The following MTUS1 variants were observed in gnomAD, a reference collection of about 807,000 sequenced individuals.
MTUS1 encodes the protein microtubule associated scaffold protein 1.
In MTUS1, 109 loss-of-function variants were observed where a neutral mutation model predicts 120.8. The ratio of observed to expected loss-of-function variants is 0.90; its 90% CI spans 0.77 to 1.06. The LOEUF is 1.06. MTUS1 is among the 50% of genes least tolerant of loss of function. The pLI is 0.00. For missense variants in MTUS1, 2,210 were observed against 1,486.3 expected, an observed-to-expected ratio of 1.49 and a Z score of -8.01; for synonymous variants, 737 against 550.5, an observed-to-expected ratio of 1.34 and a Z score of -4.74.
intron 1 of MTUS1, among the ~76,000 whole-genome samples, chr8:17,798,425 C>G (rs183845148): frequency 0.018 from 2,789 of 152,046 alleles, 71 homozygotes; most frequent in African/African-American, 0.064. Context: ...CTCCACCTCC[C>G]GGGTTCAAGC....
At chr8:17,772,276 C>A (rs955536942) in intron 1 of MTUS1, among the ~76,000 whole-genome samples, 2 of 152,114 alleles carry the variant, frequency 1.3e-5, no homozygotes, top group Non-Finnish European at 2.9e-5. Flanking sequence ...AACAAAATAA[C>A]TGAAACATTT....
At chr8:17,727,854 T>G (rs2131148952) in intron 3 of MTUS1, among the ~76,000 whole-genome samples, 1 of 152,322 alleles carries the variant, frequency 6.6e-6, no homozygotes. Context: ...TATAACCATC[T>G]TTTATGTAGG....
At chr8:17,699,279 GCA>G (rs1818563520) in intron 6 of MTUS1, among the ~76,000 whole-genome samples, 1 of 152,068 alleles carries the variant, frequency 6.6e-6, no homozygotes, top group Non-Finnish European at 1.5e-5. Context: ...GTGTAATGGC[GCA>G]GTCTCTGCTC....
At chr8:17,671,461 A>G (rs1439817786) in intron 8 of MTUS1, among the ~76,000 whole-genome samples, 5 of 152,236 alleles carry the variant, frequency 3.3e-5, no homozygotes, top group African/African-American at 1.2e-4. Context: ...GTATCAAAAA[A>G]TCACTGGACC....
intron 7 of MTUS1, among the ~76,000 whole-genome samples, chr8:17,680,627 A>C (rs1476696675): frequency 1.3e-5 from 2 of 152,146 alleles, no homozygotes; most frequent in Non-Finnish European, 2.9e-5. Context: ...ATGTTTGTGG[A>C]CAATGCATCT....
At chr8:17,775,540 G>A (rs762441823) in intron 1 of MTUS1, among the ~76,000 whole-genome samples, 1 of 152,214 alleles carries the variant, frequency 6.6e-6, no homozygotes, top group Non-Finnish European at 1.5e-5. Flanking sequence ...AAGCAGCCAT[G>A]TGTACATATG....
intron 6 of MTUS1, among the ~76,000 whole-genome samples, chr8:17,702,671 C>T (rs1241143408): frequency 6.6e-6 from 1 of 152,162 alleles, no homozygotes; most frequent in Non-Finnish European, 1.5e-5. Flanking sequence ...TAGTGTCCTC[C>T]AGCTTTATCT....
In MTUS1 at chr8:17,742,283, TTGTTGTTG is replaced by T. The variant is rs1305543389; in HGVS notation, c.2287+1313_2287+1320del. Among the ~76,000 whole-genome samples, 159 of 74,828 alleles carry T rather than the reference TTGTTGTTG, an allele frequency of 2.1e-3. 4 individuals carry two copies. The highest frequency in any genetic ancestry group is 8.4e-3 in the African/African-American group (119 of 14,216). 49.1% of individuals were successfully genotyped at this position (74,828 alleles called of 152,430 possible). ...CATGCCCAGCTGTTTTTTTTTTTTGTTGTTGTTGTTTTTTTTTTTTTTTTTTTTAGAGA... is the reference window on the plus strand; with the variant it reads ...CATGCCCAGCTGTTTTTTTTTTTTGTTTTTTTTTTTTTTTTTTTTTAGAGA... On this transcript the variant is annotated intron_variant, in intron 3 of 14. Transcript: ENST00000693296.
chr8:17,719,933 G>C lies in MTUS1; in HGVS notation c.2449+3739C>G, dbSNP rs374226265. Among the ~76,000 whole-genome samples the C allele has an allele frequency of 2.6e-5, 4 of 152,226 alleles. No homozygotes were observed. In the East Asian group the frequency reaches 7.7e-4, roughly 29 times the overall value. ...GCAGTGAAAAGGGTCAGAAATGTTTGTTGCTGCAAGGACTTTGAAGATGAC... is the reference window on the plus strand; with the variant it reads ...GCAGTGAAAAGGGTCAGAAATGTTTCTTGCTGCAAGGACTTTGAAGATGAC... On this transcript the variant is annotated intron_variant, in intron 4 of 14. Transcript: ENST00000693296.
chr8:17,711,135 T>C (rs1014121607), intron 6 of MTUS1, among the ~76,000 whole-genome samples: 1 of 152,218 alleles, frequency 6.6e-6, no homozygotes, highest in Non-Finnish European at 1.5e-5. Flanking sequence ...ATTTTCAGAA[T>C]GGTAAGTGAA....
At chr8:17,712,589 T>C (rs1447238067) in intron 6 of MTUS1, among the ~76,000 whole-genome samples, 13 of 152,208 alleles carry the variant, frequency 8.5e-5, no homozygotes, top group Admixed American at 2.6e-4. Context: ...TCCACCCACC[T>C]TGGCCTCCCA....
chr8:17,672,167 T>C (rs1290788785), intron 8 of MTUS1, among the ~76,000 whole-genome samples: 2 of 152,220 alleles, frequency 1.3e-5, no homozygotes, highest in African/African-American at 4.8e-5. Flanking sequence ...CTAATGATTA[T>C]TCCTTTCTGT....
At chr8:17,694,607 G>A (rs995870182) in intron 6 of MTUS1, among the ~76,000 whole-genome samples, 2 of 152,092 alleles carry the variant, frequency 1.3e-5, no homozygotes, top group African/African-American at 4.8e-5. Flanking sequence ...GGCGGAGGTT[G>A]CAGTGGGCCC....
At chr8:17,742,311 T>TTTTTA (rs1554516969) in intron 3 of MTUS1, among the ~76,000 whole-genome samples, 1 of 139,632 alleles carries the variant, frequency 7.2e-6, no homozygotes, top group Non-Finnish European at 1.6e-5. Flanking sequence ...TTTTTTTTTT[T>TTTTTA]AGAGATAGTG....
At chr8:17,788,889 T>C (rs886270616) in intron 1 of MTUS1, among the ~76,000 whole-genome samples, 9 of 152,194 alleles carry the variant, frequency 5.9e-5, no homozygotes, top group Non-Finnish European at 1.2e-4. Context: ...GTCCAAAGTA[T>C]TTACTTTTAT....
In MTUS1 at chr8:17,777,651, T is replaced by G. The variant is rs141514385; in HGVS notation, c.-154-21690A>C. Among the ~76,000 whole-genome samples, 104 of 152,246 alleles carry G rather than the reference T, an allele frequency of 6.8e-4. 1 individual carries two copies. In the Middle Eastern group the frequency reaches 0.014, roughly 20 times the overall value. Reference sequence around the variant, plus strand: ...GGTTAGATTGCCTCACTGACTTGGTTCCTGAGAACCTGCCAGACACTAAGT... The same window carrying G: ...GGTTAGATTGCCTCACTGACTTGGTGCCTGAGAACCTGCCAGACACTAAGT... On this transcript the variant is annotated intron_variant, in intron 1 of 14. Transcript: ENST00000693296.
In MTUS1 at chr8:17,743,722, A is replaced by G. The variant is rs531803232; in HGVS notation, c.2169T>C (p.Ala723=). The G allele has an allele frequency of 1.1e-4, 181 of 1,614,204 alleles. 3 individuals are homozygous for G. The South Asian group carries it at 1.9e-3, about 17-fold the overall frequency. ...GGGGCCCCACTTTGGCTTTTGGAGC[A>G]GCTATTTGCCTCAAACCGCAGGAGT... ...KPDSCGLRQI[A]APKAKVGPPV... Residue 723 remains alanine, a synonymous_variant, in exon 3 of 15, where the codon GCT becomes GCC. Transcript: ENST00000693296.
At chr8:17,777,043 C>T (rs2050498398) in intron 1 of MTUS1, among the ~76,000 whole-genome samples, 1 of 152,200 alleles carries the variant, frequency 6.6e-6, no homozygotes, top group Admixed American at 6.5e-5. Context: ...CTCCTACTCA[C>T]TGAGGTGGGT....
chr8:17,745,552 A>G (rs1297266095), intron 2 of MTUS1, among the ~76,000 whole-genome samples: 1 of 152,194 alleles, frequency 6.6e-6, no homozygotes, highest in Non-Finnish European at 1.5e-5. Context: ...CATTTTTACT[A>G]TGAAACAATT....
Sources: gnomAD v4.1 joint callset for allele counts (sites outside exome capture counted in the v4.1 genomes callset) on GRCh38, gnomAD v4.1.1 for gene constraint, MANE v1.5 for transcripts, NCBI Gene and HGNC (gene_info 2026-07-23, HGNC 2026-07-21) for gene names.